The following CHRDL2 variants were observed in gnomAD, a reference collection of about 807,000 sequenced individuals.
CHRDL2 encodes chordin like 2.
Under a neutral mutation model 54.3 loss-of-function variants are expected in CHRDL2, and 41 were observed. That is an observed-to-expected ratio of 0.76 (90% CI 0.59 to 0.98). The LOEUF (loss-of-function observed/expected upper bound fraction) is 0.98. Ranked by LOEUF, CHRDL2 falls within the 50% of genes least tolerant of loss-of-function variation. CHRDL2 has a pLI of 0.00. For synonymous variants in CHRDL2, 220 were observed against 224.3 expected, an observed-to-expected ratio of 0.98 and a Z score of 0.17; for missense variants, 518 against 562.4, an observed-to-expected ratio of 0.92 and a Z score of 0.80.
At chr11:74,696,628 G>C (rs921348050) in intron 10 of CHRDL2, 43 bp from the exon 11 acceptor site, 5 of 1,449,544 alleles carry the variant, frequency 3.4e-6, no homozygotes. Flanking sequence ...GTATGTGTCT[G>C]CACGTGCACA....
chr11:74,704,525 T>A lies in CHRDL2; in HGVS notation c.712A>T (p.Thr238Ser). The change falls in exon 7 of 11, where the codon ACA (threonine) becomes TCA (serine). Residue 238 changes from threonine (T) to serine (S), a missense_variant. Coordinates refer to ENST00000376332, the MANE Select transcript of CHRDL2 (RefSeq NM_001278473.3). ...TCCTTCAGGACGATCTTGACAGTTG[T>A]GCTGCCTGCTCCCTTGGGTCTGAAG... ...RHFRPKGAGSTTVKIVLKEKH... is the reference protein window; with the variant it reads ...RHFRPKGAGSSTVKIVLKEKH... 1 of 1,586,306 alleles carries A rather than the reference T, an allele frequency of 6.3e-7. No individual in the cohort carries two copies. The highest frequency in any genetic ancestry group is 8.5e-7 in the Non-Finnish European group (1 of 1,170,010).
chr11:74,708,665 A>T (rs145211789), intron 4 of CHRDL2, among the ~76,000 whole-genome samples: 8 of 152,274 alleles, frequency 5.3e-5, no homozygotes, highest in Non-Finnish European at 8.8e-5. Flanking sequence ...GCTGCCTGGT[A>T]AGGCGGGAAT....
At chr11:74,727,685 G>A (rs1341106372) in intron 1 of CHRDL2, among the ~76,000 whole-genome samples, 10 of 151,982 alleles carry the variant, frequency 6.6e-5, no homozygotes, top group East Asian at 3.9e-4. Context: ...GATTACAGGC[G>A]TGAGCCACTG....
At chr11:74,710,821 G>A (rs2034164827) in intron 4 of CHRDL2, 28 bp downstream of exon 4, 9 of 1,612,606 alleles carry the variant, frequency 5.6e-6, no homozygotes, top group Non-Finnish European at 7.6e-6. Context: ...GCGCTGGCCT[G>A]TGCTGAAGGG....
At chr11:74,706,659 G>T in intron 5 of CHRDL2, 117 bp from the exon 6 acceptor site, 1 of 909,204 alleles carries the variant, frequency 1.1e-6, no homozygotes, top group Non-Finnish European at 1.8e-6. Context: ...CCCATCTGCA[G>T]CCCCAGCCCA....
At chr11:74,715,543 C>T (rs1034648186) in intron 2 of CHRDL2, among the ~76,000 whole-genome samples, 2 of 150,078 alleles carry the variant, frequency 1.3e-5, no homozygotes, top group Non-Finnish European at 2.9e-5. Context: ...GCAGAGGTTA[C>T]AGTGAGCCGA....
chr11:74,730,674 A>G lies in CHRDL2; in HGVS notation c.82+133T>C, dbSNP rs925159275. On this transcript the variant is annotated intron_variant, in intron 1 of 10. Coordinates refer to ENST00000376332, the MANE Select transcript of CHRDL2 (RefSeq NM_001278473.3). ...CCCCGGCCCATACTGGTCCTCACGG[A>G]GTCTCCACCCCTCCGGCACAGGTGC... The G allele has an allele frequency of 1.2e-4, 93 of 808,652 alleles. No homozygotes were observed. The Middle Eastern group carries it at 2.0e-3, about 18-fold the overall frequency. The allele number at this position is 808,652 out of a possible 1,614,324, so 50.1% of individuals were successfully genotyped here. A position where few individuals can be genotyped will look rare whatever the true frequency, so the allele number is the denominator to read the frequency against.
Position 74,702,922 on chromosome 11 carries a change from C to T in CHRDL2, c.992G>A (p.Cys331Tyr). The change falls in exon 9 of 11, where the codon TGT becomes TAT. Residue 331 changes from cysteine (C) to tyrosine (Y), a missense_variant. Physicochemically the swap from Cys to Tyr is radical, Grantham distance 194. Coordinates refer to ENST00000376332, the MANE Select transcript of CHRDL2 (RefSeq NM_001278473.3). ...GAGGACCCGGCCCGGTGCCTTGGGACACCTGGTAGAACTGATCTCACTGTG... is the reference window on the plus strand; with the variant it reads ...GAGGACCCGGCCCGGTGCCTTGGGATACCTGGTAGAACTGATCTCACTGTG... The part of the protein sequence containing the change: ...PGHSEISSTR[C>Y]PKAPGRVLVH... The T allele has an allele frequency of 6.2e-7, 1 of 1,614,050 alleles. No individual in the cohort carries two copies. Among genetic ancestry groups the T allele is most frequent in the East Asian group, 2.2e-5 (1 of 44,890 alleles).
chr11:74,706,380 C>T (rs1811655667), intron 6 of CHRDL2, 107 bp downstream of exon 6: 1 of 1,133,668 alleles, frequency 8.8e-7, no homozygotes, highest in Non-Finnish European at 1.3e-6. Flanking sequence ...AGGGGACAAA[C>T]AAGAAATGAG....
intron 8 of CHRDL2, 138 bp from the exon 9 acceptor site, chr11:74,703,105 T>C: frequency 9.5e-7 from 1 of 1,048,712 alleles, no homozygotes; most frequent in South Asian, 1.6e-5. Flanking sequence ...GAATCTATTA[T>C]CCTGACACCG....
chr11:74,710,185 C>T (rs369285240), intron 4 of CHRDL2, among the ~76,000 whole-genome samples: 5 of 149,832 alleles, frequency 3.3e-5, no homozygotes, highest in Non-Finnish European at 5.9e-5. Context: ...CACTACACTC[C>T]GGCCTGGGTG....
Position 74,713,397 on chromosome 11 carries a change from G to A in CHRDL2, c.278C>T (p.Pro93Leu). 6.2e-7 allele frequency: 1 copy of A among 1,613,978 alleles called. No homozygotes were observed. The highest frequency in any genetic ancestry group is 8.5e-7 in the Non-Finnish European group (1 of 1,179,886). Reference protein sequence around the residue: ...QPVTEPQQCCPKCVEPHTPSG... With the variant: ...QPVTEPQQCCLKCVEPHTPSG... ...GCATGGCTACTTACCCACACACTTG[G>A]GACAGCATTGCTGTGGCTCCGTCAC... Residue 93 changes from proline (P) to leucine (L), a missense_variant, in exon 3 of 11, where the codon CCC becomes CTC. By Grantham distance (98) the Pro-to-Leu change is moderately conservative. Transcript: ENST00000376332.
At chr11:74,706,361 A>G in intron 6 of CHRDL2, 126 bp downstream of exon 6, 1 of 902,496 alleles carries the variant, frequency 1.1e-6, no homozygotes, top group Non-Finnish European at 1.8e-6. Flanking sequence ...ATGTTCATGT[A>G]GCCAACCCAG....
intron 1 of CHRDL2, among the ~76,000 whole-genome samples, chr11:74,725,943 C>T (rs1260281611): frequency 6.6e-6 from 1 of 152,214 alleles, no homozygotes; most frequent in African/African-American, 2.4e-5. Context: ...CCCTCTGAGA[C>T]ATAAGCTCTG....
intron 1 of CHRDL2, chr11:74,719,134 G>C: frequency 3.3e-6 from 1 of 306,472 alleles, no homozygotes; most frequent in Non-Finnish European, 6.0e-6. Flanking sequence ...TTATATCATG[G>C]TATCAGCGTT....
rs186113571 is a variant in CHRDL2 at position 74,719,593 on chromosome 11, C to T, written c.83-761G>A. Among the ~76,000 whole-genome samples, 39 of 152,204 alleles carry T rather than the reference C, an allele frequency of 2.6e-4. No individual in the cohort carries two copies. The East Asian group carries it at 5.4e-3, about 21-fold the overall frequency. On this transcript the variant is annotated intron_variant, in intron 1 of 10. Coordinates refer to ENST00000376332, the MANE Select transcript of CHRDL2 (RefSeq NM_001278473.3). ...ACTATGTCCTTATATTTTGGTGAGCCGTGATGAGAAGGTTGTTAGGAAACT... is the reference window on the plus strand; with the variant it reads ...ACTATGTCCTTATATTTTGGTGAGCTGTGATGAGAAGGTTGTTAGGAAACT...
chr11:74,714,716 G>A (rs1413151648), intron 2 of CHRDL2, among the ~76,000 whole-genome samples: 5 of 152,230 alleles, frequency 3.3e-5, no homozygotes, highest in Non-Finnish European at 7.3e-5. Flanking sequence ...CCAGACACTA[G>A]ACATCTGAGG....
At chr11:74,702,676 G>T in intron 9 of CHRDL2, 118 bp downstream of exon 9, 1 of 977,936 alleles carries the variant, frequency 1.0e-6, no homozygotes, top group Non-Finnish European at 1.6e-6. Context: ...TCTTAAACCT[G>T]GCGGGGCAGC....
In CHRDL2 at chr11:74,728,572, C is replaced by A. The variant is rs192061856; in HGVS notation, c.82+2235G>T. Reference sequence around the variant, plus strand: ...TTGTTTTTTAAGAGATGAGGTCTCACCATGTTCCCCAGGCTAGCCTTGAAC... The same window carrying A: ...TTGTTTTTTAAGAGATGAGGTCTCAACATGTTCCCCAGGCTAGCCTTGAAC... On this transcript the variant is annotated intron_variant, in intron 1 of 10. Coordinates refer to ENST00000376332, the MANE Select transcript of CHRDL2 (RefSeq NM_001278473.3). Among the ~76,000 whole-genome samples the A allele has an allele frequency of 2.0e-5, 3 of 151,906 alleles. No homozygotes were observed. In the East Asian group the frequency reaches 5.8e-4, roughly 29 times the overall value.
Sources: allele counts gnomAD v4.1 joint callset (sites outside exome capture counted in the v4.1 genomes callset), GRCh38; gene constraint gnomAD v4.1.1; transcripts MANE v1.5; gene names NCBI Gene and HGNC (gene_info 2026-07-23, HGNC 2026-07-21).